The following IL1RAPL1 variants were observed in gnomAD, a reference collection of about 807,000 sequenced individuals.
The protein encoded by IL1RAPL1 is interleukin 1 receptor accessory protein like 1, also known as interleukin-1 receptor accessory protein-like 1.
IL1RAPL1 carries 3 observed loss-of-function variants against 48.4 expected under a neutral mutation model. That is an observed-to-expected ratio of 0.06 (90% CI 0.03 to 0.16). The LOEUF (loss-of-function observed/expected upper bound fraction) is 0.16, where lower values mean the gene tolerates loss of function less well. Among genes scored for constraint, IL1RAPL1 ranks in the 10% least tolerant of loss-of-function variants. The pLI is 1.00. For synonymous variants in IL1RAPL1, 185 were observed against 187.7 expected (o/e 0.99, Z 0.12); for missense variants, 349 against 530.6 (o/e 0.66, Z 3.36).
intron 6 of IL1RAPL1, among the ~76,000 whole-genome samples, chrX:29,800,932 G>A (rs956630679): frequency 4.1e-5 from 4 of 96,798 alleles, no homozygotes; most frequent in African/African-American, 7.5e-5. Context: ...CCTGGGAGGC[G>A]GAGGTTGTGG....
intron 5 of IL1RAPL1, among the ~76,000 whole-genome samples, chrX:29,492,524 G>A (rs1333848995): frequency 2.7e-5 from 3 of 111,408 alleles, no homozygotes; most frequent in Non-Finnish European, 3.8e-5. Flanking sequence ...CTTGGCTCAT[G>A]GTCCCTTCTG....
intron 2 of IL1RAPL1, among the ~76,000 whole-genome samples, chrX:28,819,408 A>G (rs1936905343): frequency 9.0e-6 from 1 of 111,216 alleles, no homozygotes; most frequent in South Asian, 3.7e-4. Flanking sequence ...GTTTTAAGGT[A>G]AATATCTTTA....
intron 6 of IL1RAPL1, among the ~76,000 whole-genome samples, chrX:29,851,434 T>C (rs933619509): frequency 1.6e-4 from 18 of 111,734 alleles, no homozygotes; most frequent in Non-Finnish European, 3.2e-4. Flanking sequence ...CAAGAACAAA[T>C]TGAATAACTC....
intron 5 of IL1RAPL1, among the ~76,000 whole-genome samples, chrX:29,661,076 T>C (rs1925834155): frequency 1.8e-5 from 2 of 111,992 alleles, no homozygotes; most frequent in African/African-American, 6.5e-5. Flanking sequence ...TATTCATAGG[T>C]ATTCTATTTT....
chrX:29,638,510 T>C (rs1925049810), intron 5 of IL1RAPL1, among the ~76,000 whole-genome samples: 1 of 111,786 alleles, frequency 8.9e-6, no homozygotes, highest in Admixed American at 9.5e-5. Context: ...TTGAGTTTAT[T>C]TTTTTTAATT....
intron 1 of IL1RAPL1, among the ~76,000 whole-genome samples, chrX:28,635,664 A>G (rs974664537): frequency 8.9e-6 from 1 of 111,813 alleles, no homozygotes; most frequent in African/African-American, 3.3e-5. Context: ...TTGACTTACT[A>G]TATTTTCAAC....
chrX:29,176,250 C>T (rs1930018975), intron 2 of IL1RAPL1, among the ~76,000 whole-genome samples: 1 of 94,994 alleles, frequency 1.1e-5, no homozygotes, highest in South Asian at 5.2e-4. Flanking sequence ...CCCACCACCA[C>T]GCCTGGCTAA....
chrX:29,025,680 G>A (rs1389772293), intron 2 of IL1RAPL1, among the ~76,000 whole-genome samples: 1 of 111,694 alleles, frequency 9.0e-6, no homozygotes, highest in Non-Finnish European at 1.9e-5. Context: ...TCAAATTTTT[G>A]TAGAATCTTT....
chrX:29,194,756 C>T lies in IL1RAPL1; in HGVS notation c.83-88182C>T, dbSNP rs565584622. On this transcript the variant is annotated intron_variant, in intron 2 of 10. Coordinates refer to ENST00000378993, the MANE Select transcript of IL1RAPL1 (RefSeq NM_014271.4). ...AATGTAGTATTAGCATCATACTCAG[C>T]ATTTAGAGAATTCTCAGGAGTGGAG... Among the ~76,000 whole-genome samples, 51 of 112,121 alleles carry T rather than the reference C, an allele frequency of 4.5e-4. No individual in the cohort carries two copies. In the South Asian group the frequency reaches 0.015, roughly 34 times the overall value.
intron 6 of IL1RAPL1, among the ~76,000 whole-genome samples, chrX:29,845,560 G>A (rs1931230184): frequency 8.9e-6 from 1 of 111,810 alleles, no homozygotes; most frequent in South Asian, 3.8e-4. Flanking sequence ...AAACATGAAG[G>A]TTGAATTCTG....
chrX:28,770,728 T>TTTGA (rs767015493), intron 1 of IL1RAPL1, among the ~76,000 whole-genome samples: 23 of 112,323 alleles, frequency 2.0e-4, no homozygotes, highest in African/African-American at 7.1e-4. Context: ...GAATGATGCA[T>TTTGA]TTGATTGGTA....
chrX:28,760,782 A>T (rs972344407), intron 1 of IL1RAPL1, among the ~76,000 whole-genome samples: 7 of 111,147 alleles, frequency 6.3e-5, no homozygotes, highest in Admixed American at 5.8e-4. Context: ...CAGAATAGCT[A>T]TTATTAAAAA....
chrX:29,207,254 A>T (rs764423487), intron 2 of IL1RAPL1, among the ~76,000 whole-genome samples: 11 of 112,268 alleles, frequency 9.8e-5, no homozygotes, highest in Non-Finnish European at 2.1e-4. Flanking sequence ...GTCATCAAAG[A>T]TAAAGTAAAA....
chrX:28,875,790 A>G (rs765139207), intron 2 of IL1RAPL1, among the ~76,000 whole-genome samples: 4 of 111,943 alleles, frequency 3.6e-5, no homozygotes, highest in African/African-American at 1.3e-4. Flanking sequence ...CAGAGGCCAA[A>G]AAAGCCTTGT....
At chrX:29,387,912 G>A (rs1421865627) in intron 3 of IL1RAPL1, among the ~76,000 whole-genome samples, 1 of 108,183 alleles carries the variant, frequency 9.2e-6, no homozygotes. Context: ...ATAATTCCTT[G>A]AACGTAGGAG....
intron 1 of IL1RAPL1, among the ~76,000 whole-genome samples, chrX:28,744,539 T>G (rs1935949944): frequency 9.0e-6 from 1 of 111,406 alleles, no homozygotes; most frequent in Admixed American, 9.7e-5. Flanking sequence ...AGGATCCTTG[T>G]GACTCTGGGT....
At chrX:28,834,015 A>T (rs1921140734) in intron 2 of IL1RAPL1, among the ~76,000 whole-genome samples, 1 of 112,174 alleles carries the variant, frequency 8.9e-6, no homozygotes, top group Non-Finnish European at 1.9e-5. Context: ...TATTGAGGTG[A>T]AGTTTTCTTG....
chrX:28,766,871 C>T (rs1325042284), intron 1 of IL1RAPL1, among the ~76,000 whole-genome samples: 1 of 110,582 alleles, frequency 9.0e-6, no homozygotes, highest in Non-Finnish European at 1.9e-5. Flanking sequence ...ATGACAAGAT[C>T]TCTTTTTTTT....
chrX:29,886,869 T>G (rs1932178963), intron 6 of IL1RAPL1, among the ~76,000 whole-genome samples: 1 of 111,925 alleles, frequency 8.9e-6, no homozygotes, highest in Non-Finnish European at 1.9e-5. Flanking sequence ...AAATAAAATT[T>G]TTATGAACTT....
Sources: gnomAD v4.1 joint callset for allele counts (sites outside exome capture counted in the v4.1 genomes callset) on GRCh38, gnomAD v4.1.1 for gene constraint, MANE v1.5 for transcripts, NCBI Gene and HGNC (gene_info 2026-07-23, HGNC 2026-07-21) for gene names.